The following ADAMTS2 variants were observed in gnomAD, a reference collection of about 807,000 sequenced individuals.
ADAMTS2 encodes the protein A disintegrin and metalloproteinase with thrombospondin motifs 2.
ADAMTS2 carries 50 observed loss-of-function variants against 123.0 expected under a neutral mutation model. That is an observed-to-expected ratio of 0.41 (90% CI 0.32 to 0.51). The LOEUF is 0.51. ADAMTS2 is among the 20% of genes least tolerant of loss of function. The probability of loss-of-function intolerance (pLI) is 0.35; values close to 1 mark genes in which losing one functional copy is unlikely to be tolerated. For missense variants in ADAMTS2, 1,494 were observed against 1,705.2 expected (o/e 0.88, Z 2.18); for synonymous variants, 678 against 695.4 (o/e 0.98, Z 0.39).
At position 179,124,953 on chromosome 5, in the gene ADAMTS2, G is replaced by A. The variant is rs200469634; in HGVS notation, c.2958+20C>T. 636 of 1,597,984 alleles carry A rather than the reference G, an allele frequency of 4.0e-4. 1 individual carries two copies. The African/African-American group carries it at 7.7e-3, about 19-fold the overall frequency. ...CCCTCAGTTTTGGAGCTGAGGACAC[G>A]GGATCGGGGGATTGCGTACCTGGGA... On this transcript the variant is annotated intron_variant, in intron 19 of 21. Transcript: ENST00000251582.
At chr5:179,133,586 TAACA>T (rs34560321) in intron 13 of ADAMTS2, among the ~76,000 whole-genome samples, 30,987 of 151,790 alleles carry the variant, frequency 0.2, 3,836 homozygotes, top group East Asian at 0.34. Context: ...TGATATTCTT[TAACA>T]GACAGAATCC....
intron 2 of ADAMTS2, among the ~76,000 whole-genome samples, chr5:179,277,234 G>A (rs1486269465): frequency 4.6e-5 from 7 of 151,948 alleles, no homozygotes; most frequent in East Asian, 1.9e-4. Context: ...TCACAGCCCC[G>A]CCCGTCTCTG....
chr5:179,232,491 GA>G, intron 3 of ADAMTS2, among the ~76,000 whole-genome samples: 1 of 152,358 alleles, frequency 6.6e-6, no homozygotes, highest in South Asian at 2.1e-4. Flanking sequence ...ACCAGGATAT[GA>G]ACCCTGGCAT....
At chr5:179,300,392 T>A (rs1268725875) in intron 2 of ADAMTS2, among the ~76,000 whole-genome samples, 1 of 152,256 alleles carries the variant, frequency 6.6e-6, no homozygotes, top group African/African-American at 2.4e-5. Flanking sequence ...TTTTGTATGT[T>A]CAAAAGTAAT....
At chr5:179,150,267 A>G (rs1473504414) in intron 10 of ADAMTS2, among the ~76,000 whole-genome samples, 7 of 152,056 alleles carry the variant, frequency 4.6e-5, no homozygotes, top group Admixed American at 4.6e-4. Flanking sequence ...AGCTTTTCCG[A>G]AGCTCCCCCT....
At chr5:179,134,725 GGCTCCA>G (rs199676100) in intron 13 of ADAMTS2, among the ~76,000 whole-genome samples, 29 of 113,994 alleles carry the variant, frequency 2.5e-4, no homozygotes, top group African/African-American at 7.4e-4. Context: ...GCACCCTCCC[GGCTCCA>G]GCTCCAGCTC....
rs1410063652 is a variant in ADAMTS2, at chr5:179,256,198, G to A, written c.688+16713C>T. Among the ~76,000 whole-genome samples the A allele has an allele frequency of 6.6e-6, 1 of 152,220 alleles. No homozygotes were observed. Among genetic ancestry groups the A allele is most frequent in the Admixed American group, 6.5e-5 (1 of 15,286 alleles). ...ACAGGTGCCTTTCGCACAGGGCCCA[G>A]CAGCCAGCTCAGCCCACAGAACAGT... On this transcript the variant is annotated intron_variant, in intron 3 of 21. Transcript: ENST00000251582. The surrounding 1 kb of genome is among the most constrained non-coding windows in gnomAD (Gnocchi z 4.1).
chr5:179,273,127 C>T lies in ADAMTS2; in HGVS notation c.535-63G>A, dbSNP rs1005793182. 1.9e-5 allele frequency: 30 copies of T among 1,610,210 alleles called. No individual in the cohort carries two copies. In the South Asian group the frequency reaches 2.4e-4, roughly 13 times the overall value. On this transcript the variant is annotated intron_variant, in intron 2 of 21. Transcript: ENST00000251582. Reference sequence around the variant, plus strand: ...ACAAAAGACCAAGGAAGGGGAACAGCGAGGAGACCCCCTCAGGGAGTACCT... The same window carrying T: ...ACAAAAGACCAAGGAAGGGGAACAGTGAGGAGACCCCCTCAGGGAGTACCT...
chr5:179,257,327 G>A (rs1328539232), intron 3 of ADAMTS2, among the ~76,000 whole-genome samples: 4 of 152,294 alleles, frequency 2.6e-5, no homozygotes, highest in Admixed American at 1.3e-4. Context: ...GACCATCATC[G>A]GCCGTTTGCT....
At chr5:179,201,631 C>CAAAAAAA (rs58141791) in intron 4 of ADAMTS2, among the ~76,000 whole-genome samples, 25 of 91,894 alleles carry the variant, frequency 2.7e-4, no homozygotes, top group Non-Finnish European at 3.0e-4. Flanking sequence ...ACTAAAAATA[C>CAAAAAAA]AAAAAAAAAA....
chr5:179,126,018 T>A lies in ADAMTS2; in HGVS notation c.2730A>T (p.Pro910=), dbSNP rs6869261. ...KPKAIRRACN[P]QECSQPVWVT... ...CTCACACTGGCTGGGAGCATTCCTG[T>A]GGGTTGCACGCTCTGCGGATGGCTT... is the stretch of plus-strand genomic sequence containing the variant. Residue 910 remains proline, a synonymous_variant, in exon 18 of 22, where the codon CCA becomes CCT. Coordinates refer to ENST00000251582, the MANE Select transcript of ADAMTS2 (RefSeq NM_014244.5). 1.9e-6 allele frequency: 3 copies of A among 1,613,406 alleles called. No homozygotes were observed. The highest frequency in any genetic ancestry group is 2.5e-6 in the Non-Finnish European group (3 of 1,180,006).
At chr5:179,269,764 C>T (rs193150) in intron 3 of ADAMTS2, among the ~76,000 whole-genome samples, 1 of 152,192 alleles carries the variant, frequency 6.6e-6, no homozygotes, top group African/African-American at 2.4e-5. Context: ...TGCCCTGTCC[C>T]TGTACCCCAG....
intron 5 of ADAMTS2, among the ~76,000 whole-genome samples, chr5:179,164,700 T>C (rs1157325903): frequency 1.3e-5 from 2 of 152,202 alleles, no homozygotes; most frequent in Non-Finnish European, 2.9e-5. Flanking sequence ...GGTGCAGCCC[T>C]TGTGGGTGAT....
chr5:179,252,237 T>C (rs982273702), intron 3 of ADAMTS2, among the ~76,000 whole-genome samples: 1 of 152,114 alleles, frequency 6.6e-6, no homozygotes, highest in Admixed American at 6.6e-5. Flanking sequence ...CTCGAACCCC[T>C]GAGCTCAGGT....
In ADAMTS2 at chr5:179,132,915, G is replaced by T. The variant is rs1026643451; in HGVS notation, c.2086-15C>A. ...CAGCCCACCTTCTGTTGGGGGAGGA[G>T]GCAGTGAGCACTTGAGACGTCCTGC... On this transcript the variant is annotated splice_polypyrimidine_tract_variant and intron_variant, in intron 13 of 21. Transcript: ENST00000251582. This position sits in a 1 kb window ranked among gnomAD's most constrained non-coding sequence, Gnocchi z 6.1. 6.2e-7 allele frequency: 1 copy of T among 1,612,982 alleles called. No homozygotes were observed.
chr5:179,125,931 A>T, intron 18 of ADAMTS2, 67 bp downstream of exon 18: 1 of 1,605,224 alleles, frequency 6.2e-7, no homozygotes, highest in South Asian at 1.1e-5. Flanking sequence ...CACACCTCCA[A>T]GCACGGGAGC....
chr5:179,134,047 T>C (rs1402432387), intron 13 of ADAMTS2, among the ~76,000 whole-genome samples: 1 of 152,148 alleles, frequency 6.6e-6, no homozygotes, highest in Admixed American at 6.5e-5. Context: ...AGGAGTGACG[T>C]GATAGCCACA....
chr5:179,187,655 T>G (rs1320873159), intron 4 of ADAMTS2, among the ~76,000 whole-genome samples: 2 of 152,184 alleles, frequency 1.3e-5, no homozygotes, highest in East Asian at 3.9e-4. Flanking sequence ...GGCCTGCGTG[T>G]GCTGGGGAGA....
chr5:179,235,681 G>A (rs543679261), intron 3 of ADAMTS2, among the ~76,000 whole-genome samples: 4 of 152,360 alleles, frequency 2.6e-5, no homozygotes, highest in African/African-American at 9.6e-5. Context: ...AGAGGAAGGA[G>A]AGGGGAAGCG....
Sources: allele counts gnomAD v4.1 joint callset (sites outside exome capture counted in the v4.1 genomes callset), GRCh38; gene constraint gnomAD v4.1.1; non-coding constraint Gnocchi (gnomAD v3.1); transcripts MANE v1.5; gene names NCBI Gene and HGNC (gene_info 2026-07-23, HGNC 2026-07-21).